SORBS2: variants seen among roughly 807,000 people sequenced by gnomAD.
SORBS2 encodes the protein sorbin and SH3 domain-containing protein 2.
A neutral mutation model predicts 97.7 loss-of-function variants in SORBS2; 46 were observed. That is an observed-to-expected ratio of 0.47 (90% CI 0.37 to 0.60). SORBS2 has a LOEUF of 0.60. Ranked by LOEUF, SORBS2 falls within the 20% of genes least tolerant of loss-of-function variation. The probability of loss-of-function intolerance (pLI) is 0.00; values close to 1 mark genes in which losing one functional copy is unlikely to be tolerated. For synonymous variants in SORBS2, 476 were observed against 473.4 expected (o/e 1.01, Z -0.07); for missense variants, 1,316 against 1,282.3 (o/e 1.03, Z -0.40).
chr4:185,755,099 C>T (rs1172339447), intron 2 of SORBS2, among the ~76,000 whole-genome samples: 2 of 152,200 alleles, frequency 1.3e-5, no homozygotes, highest in African/African-American at 2.4e-5. Context: ...GGCAGAATGC[C>T]GATTGGAAAT....
chr4:185,597,416 C>T (rs1337598815), intron 12 of SORBS2, among the ~76,000 whole-genome samples: 2 of 151,818 alleles, frequency 1.3e-5, no homozygotes, highest in African/African-American at 2.4e-5. Flanking sequence ...TCATGTGTCT[C>T]GGTCACGTAA....
Position 185,805,151 on chromosome 4 carries a change from A to G in SORBS2, c.-337-29785T>C, listed in dbSNP as rs768910931. Among the ~76,000 whole-genome samples the G allele has an allele frequency of 1.8e-4, 28 of 152,110 alleles. 1 individual carries two copies. Among genetic ancestry groups the G allele is most frequent in the Admixed American group, 8.5e-4 (13 of 15,272 alleles). ...AATTATTCACCATATGATGTGTTGCATTTGAGCTTTATCTATGCTTCTGGT... is the reference window on the plus strand; with the variant it reads ...AATTATTCACCATATGATGTGTTGCGTTTGAGCTTTATCTATGCTTCTGGT... On this transcript the variant is annotated intron_variant, in intron 1 of 20. Transcript: ENST00000284776.
intron 1 of SORBS2, among the ~76,000 whole-genome samples, chr4:185,890,131 C>T (rs1335081784): frequency 6.6e-6 from 1 of 152,202 alleles, no homozygotes; most frequent in Non-Finnish European, 1.5e-5. Flanking sequence ...AAGTGATCCA[C>T]CCACCTCAGC....
intron 1 of SORBS2, among the ~76,000 whole-genome samples, chr4:185,821,006 GA>G (rs1223921296): frequency 6.6e-6 from 1 of 152,156 alleles, no homozygotes; most frequent in African/African-American, 2.4e-5. Flanking sequence ...TCTTCAACCT[GA>G]ACTAACCCAA....
intron 2 of SORBS2, among the ~76,000 whole-genome samples, chr4:185,747,127 C>T (rs1223131074): frequency 6.6e-6 from 1 of 152,124 alleles, no homozygotes; most frequent in Non-Finnish European, 1.5e-5. Context: ...AGACACCAGA[C>T]ACCAGGGATG....
At chr4:185,634,954 G>A (rs1343964946) in intron 4 of SORBS2, among the ~76,000 whole-genome samples, 1 of 152,118 alleles carries the variant, frequency 6.6e-6, no homozygotes, top group Non-Finnish European at 1.5e-5. Context: ...TGGGACATAG[G>A]CATCTGATTA....
chr4:185,627,986 C>T (rs2096845585), intron 5 of SORBS2, among the ~76,000 whole-genome samples: 1 of 152,140 alleles, frequency 6.6e-6, no homozygotes, highest in African/African-American at 2.4e-5. Flanking sequence ...TAAGGCTCCT[C>T]CATGTGTTTT....
intron 9 of SORBS2, 35 bp downstream of exon 21, chr4:185,618,550 C>A (rs772173283): frequency 8.6e-6 from 11 of 1,280,230 alleles, no homozygotes; most frequent in Non-Finnish European, 1.2e-5. Context: ...TTTAAAACCA[C>A]CTTAAATCAT....
intron 2 of SORBS2, chr4:185,739,924 G>A (rs1562228999): frequency 6.6e-6 from 1 of 152,570 alleles, no homozygotes; most frequent in African/African-American, 2.4e-5. Flanking sequence ...CCCATCTTAT[G>A]ATATGACCCT....
intron 2 of SORBS2, among the ~76,000 whole-genome samples, chr4:185,706,334 C>G (rs1336738445): frequency 1.3e-5 from 2 of 152,150 alleles, no homozygotes; most frequent in Non-Finnish European, 2.9e-5. Context: ...ATATCCCAAC[C>G]AAAATCAGAT....
intron 1 of SORBS2, among the ~76,000 whole-genome samples, chr4:185,881,264 G>A (rs1481480390): frequency 3.9e-5 from 6 of 151,958 alleles, no homozygotes; most frequent in South Asian, 2.1e-4. Context: ...TGAAAGCATG[G>A]GAAAGGAGAT....
intron 6 of SORBS2, among the ~76,000 whole-genome samples, chr4:185,626,164 G>T (rs572768669): frequency 1.8e-4 from 28 of 152,304 alleles, no homozygotes; most frequent in African/African-American, 6.3e-4. Flanking sequence ...CCCTACACTT[G>T]CAGAGAGGAG....
intron 2 of SORBS2, among the ~76,000 whole-genome samples, chr4:185,720,734 A>AT (rs1036754228): frequency 6.6e-6 from 1 of 152,122 alleles, no homozygotes; most frequent in East Asian, 1.9e-4. Flanking sequence ...CATTTACTGA[A>AT]TTTTTTGACT....
In SORBS2 at chr4:185,731,832, T is replaced by TTCTCTC. The variant is rs1201714307; in HGVS notation, c.-198+43389_-198+43394dup. Among the ~76,000 whole-genome samples the TTCTCTC allele has an allele frequency of 3.8e-3, 125 of 33,218 alleles. 2 individuals carry two copies. Among genetic ancestry groups the TTCTCTC allele is most frequent in the Non-Finnish European group, 4.5e-3 (86 of 19,116 alleles). 21.8% of individuals were successfully genotyped at this position (33,218 alleles called of 152,430 possible). ...CCTCCCTCCCTGCCTGTCTCTCTCT[T>TTCTCTC]TCTCTCTCTCTCTCTCTCTCTCTCT... On this transcript the variant is annotated intron_variant, in intron 2 of 20. Coordinates refer to the SORBS2 transcript ENST00000284776.
chr4:185,900,981 T>C (rs554684003), intron 1 of SORBS2, among the ~76,000 whole-genome samples: 1 of 152,350 alleles, frequency 6.6e-6, no homozygotes, highest in East Asian at 1.9e-4. Flanking sequence ...TTTGCACATA[T>C]CTAACATTTG....
upstream of SORBS2, among the ~76,000 whole-genome samples, chr4:185,660,934 A>ATT (rs147862991): frequency 6.6e-6 from 1 of 151,912 alleles, no homozygotes; most frequent in South Asian, 2.1e-4. Flanking sequence ...TCAATTTCGT[A>ATT]TTTTTTTTGA....
intron 4 of SORBS2, among the ~76,000 whole-genome samples, chr4:185,672,902 C>T (rs1218820872): frequency 1.3e-5 from 2 of 152,072 alleles, no homozygotes; most frequent in Non-Finnish European, 2.9e-5. Context: ...TGTGAAAGGT[C>T]ATTACATGGA....
At chr4:185,842,809 C>A (rs1468570963) in intron 1 of SORBS2, among the ~76,000 whole-genome samples, 1 of 151,564 alleles carries the variant, frequency 6.6e-6, no homozygotes, top group East Asian at 1.9e-4. Flanking sequence ...GTAGTATATG[C>A]CTGTAGTACC....
Position 185,760,767 on chromosome 4 carries a change from A to G in SORBS2, c.-198+14460T>C, listed in dbSNP as rs77797642. On this transcript the variant is annotated intron_variant, in intron 2 of 20. Transcript: ENST00000284776. Reference sequence around the variant, plus strand: ...TAAAAGTGTGCAGTGCATTAAAAACACATTTCCTTCTCATTAGTTGCATGA... The same window carrying G: ...TAAAAGTGTGCAGTGCATTAAAAACGCATTTCCTTCTCATTAGTTGCATGA... Among the ~76,000 whole-genome samples the G allele has an allele frequency of 9.4e-3, 1,437 of 152,356 alleles. 35 individuals carry two copies. The highest frequency in any genetic ancestry group is 0.033 in the African/African-American group (1,368 of 41,580).
Sources: gnomAD v4.1 joint callset for allele counts (sites outside exome capture counted in the v4.1 genomes callset) on GRCh38, gnomAD v4.1.1 for gene constraint, MANE v1.5 for transcripts, NCBI Gene and HGNC (gene_info 2026-07-23, HGNC 2026-07-21) for gene names.